The following F11R variants were observed in gnomAD, a reference collection of about 807,000 sequenced individuals.
F11R encodes junctional adhesion molecule A.
F11R carries 27 observed loss-of-function variants against 39.3 expected under a neutral mutation model. That is an observed-to-expected ratio of 0.69 (90% confidence interval 0.51 to 0.95). The LOEUF is 0.95. Among genes scored for constraint, F11R ranks in the 40% least tolerant of loss-of-function variants. F11R has a pLI of 0.00. For synonymous variants in F11R, 131 were observed against 144.9 expected, an observed-to-expected ratio of 0.90 and a Z score of 0.69; for missense variants, 335 against 372.7, an observed-to-expected ratio of 0.90 and a Z score of 0.83.
chr1:161,001,811 C>G (rs1430186831), intron 1 of F11R, among the ~76,000 whole-genome samples: 1 of 152,182 alleles, frequency 6.6e-6, no homozygotes, highest in East Asian at 1.9e-4. Flanking sequence ...TAATACTCGA[C>G]ATTTGTGGAG....
chr1:161,002,314 C>A (rs1374388307), intron 1 of F11R, among the ~76,000 whole-genome samples: 1 of 147,712 alleles, frequency 6.8e-6, no homozygotes, highest in Admixed American at 6.7e-5. Context: ...GAAGTTTGCA[C>A]TAGAAGTGGG....
chr1:160,998,931 ACT>A (rs757357648), intron 9 of F11R, 25 bp from the exon 10 acceptor site: 210 of 1,613,874 alleles, frequency 1.3e-4, no homozygotes, highest in Non-Finnish European at 1.6e-4. Flanking sequence ...CATCCAGTCA[ACT>A]CTCAATAGTC....
intron 7 of F11R, 76 bp from the exon 8 acceptor site, chr1:160,999,484 C>A: frequency 6.3e-7 from 1 of 1,599,370 alleles, no homozygotes. Context: ...GAGGGGCAGG[C>A]CCCCAGCTCT....
chr1:161,011,961 G>A (rs576893837), intron 1 of F11R, among the ~76,000 whole-genome samples: 6 of 151,824 alleles, frequency 4.0e-5, no homozygotes, highest in Admixed American at 1.3e-4. Context: ...CTCTCTTCTC[G>A]TCTATGCTCC....
chr1:161,019,338 G>C (rs1382322229), intron 1 of F11R, among the ~76,000 whole-genome samples: 1 of 152,270 alleles, frequency 6.6e-6, no homozygotes, highest in South Asian at 2.1e-4. Context: ...GCTCACACCT[G>C]TAATCCCAGC....
chr1:161,007,685 T>C (rs961835326), intron 1 of F11R, among the ~76,000 whole-genome samples: 6 of 152,246 alleles, frequency 3.9e-5, no homozygotes, highest in African/African-American at 9.6e-5. Flanking sequence ...ATAAGTATTA[T>C]ATTTTATGAT....
intron 1 of F11R, among the ~76,000 whole-genome samples, chr1:161,003,378 C>A (rs2101972373): frequency 6.6e-6 from 1 of 152,204 alleles, no homozygotes; most frequent in South Asian, 2.1e-4. Context: ...CCGCCTCAGC[C>A]TCCCAAAGTG....
chr1:161,003,607 C>G (rs1648624680), intron 1 of F11R, among the ~76,000 whole-genome samples: 1 of 151,508 alleles, frequency 6.6e-6, no homozygotes, highest in African/African-American at 2.4e-5. Context: ...GACAGAGTCT[C>G]ACTCTGTCGC....
rs538872909 is a variant in F11R, at chr1:161,013,003, C to T, written c.64+8007G>A. On this transcript the variant is annotated intron_variant, in intron 1 of 9. Transcript: ENST00000368026. Reference sequence around the variant, plus strand: ...GTTATATAGATGAATTACATGTCGTCGGGGTTTGGTGTAAAGATTATTTCA... The same window carrying T: ...GTTATATAGATGAATTACATGTCGTTGGGGTTTGGTGTAAAGATTATTTCA... Among the ~76,000 whole-genome samples the T allele has an allele frequency of 5.9e-5, 9 of 152,136 alleles. No homozygotes were observed. The East Asian group carries it at 1.2e-3, about 20-fold the overall frequency.
intron 1 of F11R, among the ~76,000 whole-genome samples, chr1:161,020,318 AAG>A (rs1649690686): frequency 6.6e-6 from 1 of 152,202 alleles, no homozygotes; most frequent in Admixed American, 6.5e-5. Context: ...TCCCCCTGGG[AAG>A]AGTCACTCAA....
rs573809148 is a variant in F11R at position 161,019,432 on chromosome 1, C to T, written c.64+1578G>A. The stretch of plus-strand genomic sequence containing the variant: ...CCAACATGGTGAAACCCCATCTCTA[C>T]TAAAAACAAAAAATTAGCCGGGCGT... On this transcript the variant is annotated intron_variant, in intron 1 of 9. Transcript: ENST00000368026. Among the ~76,000 whole-genome samples the T allele has an allele frequency of 2.5e-3, 373 of 151,940 alleles. 1 individual carries two copies. Among genetic ancestry groups the T allele is most frequent in the African/African-American group, 8.4e-3 (348 of 41,416 alleles).
At chr1:161,005,808 C>A (rs929367800) in intron 1 of F11R, among the ~76,000 whole-genome samples, 4 of 152,080 alleles carry the variant, frequency 2.6e-5, no homozygotes, top group Admixed American at 6.5e-5. Context: ...CGTGAGCCAC[C>A]ATGGCTGTGG....
chr1:161,007,330 T>C (rs1306811352), intron 1 of F11R, among the ~76,000 whole-genome samples: 1 of 151,628 alleles, frequency 6.6e-6, no homozygotes, highest in African/African-American at 2.4e-5. Flanking sequence ...CCAGGCGTGG[T>C]GGTGCATGCC....
chr1:161,017,122 A>T (rs1406091282), intron 1 of F11R, among the ~76,000 whole-genome samples: 2 of 152,118 alleles, frequency 1.3e-5, no homozygotes, highest in African/African-American at 4.8e-5. Flanking sequence ...CAGGGACAAA[A>T]ACACTGCGGA....
At chr1:161,005,192 A>G (rs997479937) in intron 1 of F11R, among the ~76,000 whole-genome samples, 2 of 149,926 alleles carry the variant, frequency 1.3e-5, no homozygotes, top group African/African-American at 4.9e-5. Context: ...TAATAATAAT[A>G]ATAATAATAG....
intron 3 of F11R, 97 bp downstream of exon 3, chr1:161,000,923 G>T: frequency 6.9e-7 from 1 of 1,448,810 alleles, no homozygotes; most frequent in Non-Finnish European, 9.7e-7. Flanking sequence ...GCCCCAGGGT[G>T]TGCCCTGGGA....
intron 8 of F11R, 63 bp downstream of exon 8, chr1:160,999,333 G>A: frequency 6.2e-7 from 1 of 1,609,468 alleles, no homozygotes. Context: ...GCCCACTTCA[G>A]CTTCAAACCA....
intron 1 of F11R, among the ~76,000 whole-genome samples, chr1:161,016,582 G>A (rs1171335862): frequency 4.6e-5 from 7 of 152,148 alleles, no homozygotes; most frequent in African/African-American, 1.2e-4. Context: ...GCTTGAAGCC[G>A]GGAGGTGGAG....
intron 1 of F11R, among the ~76,000 whole-genome samples, chr1:161,014,490 A>C (rs1352457072): frequency 6.6e-6 from 1 of 152,200 alleles, no homozygotes; most frequent in Non-Finnish European, 1.5e-5. Context: ...GATCCCTTAA[A>C]GCCAAGAATT....
Sources: allele counts gnomAD v4.1 joint callset (sites outside exome capture counted in the v4.1 genomes callset), GRCh38; gene constraint gnomAD v4.1.1; transcripts MANE v1.5; gene names NCBI Gene and HGNC (gene_info 2026-07-23, HGNC 2026-07-21).